RASA2: variants seen among roughly 807,000 people sequenced by gnomAD.
The protein encoded by RASA2 is ras GTPase-activating protein 2.
RASA2 carries 155 observed loss-of-function variants against 118.2 expected under a neutral mutation model. That is an observed-to-expected ratio of 1.31 (90% CI 1.15 to 1.50). RASA2 has a LOEUF of 1.50. Among genes scored for constraint, RASA2 ranks in the 40% most tolerant of loss-of-function variants. The probability of loss-of-function intolerance (pLI) is 0.00; values close to 1 mark genes in which losing one functional copy is unlikely to be tolerated. For synonymous variants in RASA2, 353 were observed against 349.1 expected, an observed-to-expected ratio of 1.01 and a Z score of -0.12; for missense variants, 1,016 against 1,009.6, an observed-to-expected ratio of 1.01 and a Z score of -0.09.
chr3:141,540,468 C>T (rs1331225629), intron 4 of RASA2, 65 bp from the exon 5 acceptor site: 6 of 1,323,512 alleles, frequency 4.5e-6, no homozygotes, highest in African/African-American at 4.4e-5. Context: ...TTTGAAAAGG[C>T]ACATACCTTT....
At chr3:141,536,026 T>A (rs1344943037) in intron 4 of RASA2, among the ~76,000 whole-genome samples, 2 of 152,226 alleles carry the variant, frequency 1.3e-5, no homozygotes, top group Non-Finnish European at 2.9e-5. Flanking sequence ...ATCACAGATA[T>A]TTTTGTGTGA....
At chr3:141,562,551 A>AG (rs71620546) in intron 9 of RASA2, among the ~76,000 whole-genome samples, 1 of 65,476 alleles carries the variant, frequency 1.5e-5, no homozygotes, top group African/African-American at 6.2e-5. Context: ...TGCACCTGGG[A>AG]GCGGGAGCTT....
Position 141,588,445 on chromosome 3 carries a change from G to A in RASA2, c.1933+1693G>A, listed in dbSNP as rs2291600. On this transcript the variant is annotated intron_variant, in intron 19 of 23. Transcript: ENST00000286364. ...AGCAACCACAAGCGTGTAGCACCCC[G>A]TGAGCAACATTCAGTATGTTTTACA... is the stretch of plus-strand genomic sequence containing the variant. Among the ~76,000 whole-genome samples, 100 of 152,306 alleles carry A rather than the reference G, an allele frequency of 6.6e-4. 2 individuals are homozygous for A. In the East Asian group the frequency reaches 0.018, roughly 28 times the overall value.
intron 3 of RASA2, among the ~76,000 whole-genome samples, chr3:141,520,084 G>A (rs1014013419): frequency 1.5e-5 from 2 of 135,584 alleles, no homozygotes; most frequent in African/African-American, 5.6e-5. Context: ...CATGATCTCC[G>A]TTCACTGCAA....
Position 141,559,965 on chromosome 3 carries a change from T to C in RASA2, c.833T>C (p.Val278Ala). The C allele has an allele frequency of 6.2e-7, 1 of 1,613,236 alleles. No individual in the cohort carries two copies. The highest frequency in any genetic ancestry group is 8.5e-7 in the Non-Finnish European group (1 of 1,179,374). ...GGTGAGATTAAGGTTCCTGTGAACG[T>C]ATTAAGAACTGATTCCTCTCATCAA... The part of the protein sequence containing the change: ...FLGEIKVPVN[V>A]LRTDSSHQAW... Residue 278 changes from valine (V) to alanine (A), a missense_variant, in exon 9 of 24, where the codon GTA (valine) becomes GCA (alanine). Around this residue, in one of 2 missense-constraint regions of RASA2, gnomAD observed 896 missense variants for 836.4 expected, o/e 1.07. Transcript: ENST00000286364.
At chr3:141,601,218 A>G (rs1560062720) in intron 19 of RASA2, among the ~76,000 whole-genome samples, 1 of 152,172 alleles carries the variant, frequency 6.6e-6, no homozygotes, top group Non-Finnish European at 1.5e-5. Context: ...CCTGATCTCA[A>G]GAGTTCAAGA....
chr3:141,585,639 A>T (rs1207554613), intron 17 of RASA2, among the ~76,000 whole-genome samples: 1 of 152,046 alleles, frequency 6.6e-6, no homozygotes, highest in African/African-American at 2.4e-5. Context: ...TCTCTACTAA[A>T]AATAAAAAAA....
At position 141,608,587 on chromosome 3, in the gene RASA2, A is replaced by G. The variant is rs763111274; in HGVS notation, c.2115A>G (p.Arg705=). 1.9e-6 allele frequency: 3 copies of G among 1,613,972 alleles called. No homozygotes were observed. Among genetic ancestry groups the G allele is most frequent in the South Asian group, 2.2e-5 (2 of 91,088 alleles). Residue 705 remains arginine, a synonymous_variant, in exon 21 of 24, where the codon CGA becomes CGG. Coordinates refer to ENST00000286364, the MANE Select transcript of RASA2 (RefSeq NM_006506.5). ...TAGACGTACTCTGCAGGGTGAGCCG[A>G]TGCAATCAAAACAGGCTCAGTTTTT... The part of the protein sequence containing the change: ...EWIDVLCRVS[R]CNQNRLSFYH...
intron 7 of RASA2, 41 bp downstream of exon 7, chr3:141,555,953 A>AC: frequency 1.4e-5 from 20 of 1,385,810 alleles, no homozygotes; most frequent in Non-Finnish European, 1.9e-5. Context: ...TTAAATATGT[A>AC]ATATTTAATG....
chr3:141,581,100 TC>T lies in RASA2; in HGVS notation c.1676del (p.Ser559Ter). Reference protein sequence around the residue: ...GSWGSLSKSKSSFKETFMCEF... With the variant: ...GSWGSLSKSKXSFKETFMCEF... ...AAACCCTGTGTTTGTTTTTTCTTAG[TC>T]AAGTTTCAAAGAGACATTCATGTGT... is the stretch of plus-strand genomic sequence containing the variant. On this transcript the variant is annotated frameshift_variant and splice_region_variant, in exon 17 of 24. Coordinates refer to ENST00000286364, the MANE Select transcript of RASA2 (RefSeq NM_006506.5). LOFTEE classifies it high-confidence loss of function. The T allele has an allele frequency of 6.5e-7, 1 of 1,528,454 alleles. No individual in the cohort carries two copies. The highest frequency in any genetic ancestry group is 1.3e-5 in the South Asian group (1 of 76,228). 94.7% of individuals were successfully genotyped at this position (1,528,454 alleles called of 1,614,324 possible).
chr3:141,487,878 G>C (rs1245696034), intron 1 of RASA2, among the ~76,000 whole-genome samples: 1 of 152,186 alleles, frequency 6.6e-6, no homozygotes, highest in Admixed American at 6.5e-5. Flanking sequence ...GCCCCACCTC[G>C]CTGCGGCCGG....
intron 1 of RASA2, among the ~76,000 whole-genome samples, chr3:141,495,286 G>A (rs2081686549): frequency 1.3e-5 from 2 of 152,306 alleles, no homozygotes; most frequent in East Asian, 1.9e-4. Flanking sequence ...GGTGAATGGT[G>A]GAGCTATCAA....
At chr3:141,510,434 G>A (rs2081934144) in intron 1 of RASA2, among the ~76,000 whole-genome samples, 1 of 152,170 alleles carries the variant, frequency 6.6e-6, no homozygotes. Context: ...TTTCTCAGCT[G>A]TCTACCGTAT....
At chr3:141,516,499 A>T in intron 3 of RASA2, 68 bp downstream of exon 3, 1 of 1,189,276 alleles carries the variant, frequency 8.4e-7, no homozygotes, top group Non-Finnish European at 1.1e-6. Context: ...CTCTTAGTAT[A>T]GTTTTGAAAA....
At chr3:141,528,930 T>G (rs1272847272) in intron 3 of RASA2, among the ~76,000 whole-genome samples, 2 of 152,004 alleles carry the variant, frequency 1.3e-5, no homozygotes, top group Non-Finnish European at 2.9e-5. Flanking sequence ...TGTAGAATCC[T>G]GGAATAAATC....
intron 5 of RASA2, among the ~76,000 whole-genome samples, chr3:141,549,294 T>C (rs1257935621): frequency 6.6e-6 from 1 of 152,142 alleles, no homozygotes; most frequent in Non-Finnish European, 1.5e-5. Context: ...CTTTACCTTC[T>C]CTCCTACATG....
At chr3:141,529,525 G>T (rs1054389011) in intron 3 of RASA2, among the ~76,000 whole-genome samples, 183 bp from the exon 4 acceptor site, 2 of 152,112 alleles carry the variant, frequency 1.3e-5, no homozygotes, top group African/African-American at 4.8e-5. Flanking sequence ...GGGGCAAGGA[G>T]AAATGAGACA....
At chr3:141,501,460 A>C (rs2081780870) in intron 1 of RASA2, among the ~76,000 whole-genome samples, 1 of 152,194 alleles carries the variant, frequency 6.6e-6, no homozygotes, top group South Asian at 2.1e-4. Flanking sequence ...GCATTGTGCC[A>C]AGCGCTTTAC....
At chr3:141,530,701 A>C (rs2082247159) in intron 4 of RASA2, among the ~76,000 whole-genome samples, 1 of 152,208 alleles carries the variant, frequency 6.6e-6, no homozygotes, top group Non-Finnish European at 1.5e-5. Context: ...TTAATTATTA[A>C]ATTCTCAAAA....
Sources: gnomAD v4.1 joint callset for allele counts (sites outside exome capture counted in the v4.1 genomes callset) on GRCh38, gnomAD v4.1.1 for gene constraint, gnomAD v4.1.1 regional missense constraint, MANE v1.5 for transcripts, NCBI Gene and HGNC (gene_info 2026-07-23, HGNC 2026-07-21) for gene names.